CHM: variants seen among roughly 807,000 people sequenced by gnomAD.
The protein encoded by CHM is CHM Rab escort protein, also known as rab proteins geranylgeranyltransferase component A 1.
In CHM, 10 loss-of-function variants were observed where a neutral mutation model predicts 49.0. The ratio of observed to expected loss-of-function variants is 0.20; its 90% CI spans 0.13 to 0.35. CHM has a LOEUF of 0.35. Among genes scored for constraint, CHM ranks in the 10% least tolerant of loss-of-function variants. The pLI is 1.00. For synonymous variants in CHM, 184 were observed against 167.5 expected (o/e 1.10, Z -0.76); for missense variants, 455 against 478.4 (o/e 0.95, Z 0.46).
intron 9 of CHM, among the ~76,000 whole-genome samples, chrX:85,904,046 C>T (rs1015461077): frequency 9.0e-6 from 1 of 111,542 alleles, no homozygotes; most frequent in Non-Finnish European, 1.9e-5. Flanking sequence ...AATAAAAAAA[C>T]ATTGATTTTA....
At chrX:85,946,253 T>C (rs1929402485) in intron 8 of CHM, among the ~76,000 whole-genome samples, 1 of 112,549 alleles carries the variant, frequency 8.9e-6, no homozygotes, top group Non-Finnish European at 1.9e-5. Context: ...GCAACCTCTT[T>C]CTAGAGAAAT....
chrX:85,892,344 A>G (rs1014905754), intron 12 of CHM, among the ~76,000 whole-genome samples: 1 of 111,223 alleles, frequency 9.0e-6, no homozygotes, highest in Admixed American at 9.6e-5. Flanking sequence ...CTTGAATTGT[A>G]TCTCCCAGAA....
intron 1 of CHM, among the ~76,000 whole-genome samples, chrX:86,037,110 CTTTTTT>C (rs1048558599): frequency 1.4e-5 from 1 of 70,778 alleles, no homozygotes; most frequent in Admixed American, 1.8e-4. Context: ...CTAATTTTTC[CTTTTTT>C]TTTTTTTTTT....
At chrX:85,940,518 T>G (rs1006231187) in intron 8 of CHM, among the ~76,000 whole-genome samples, 1 of 110,922 alleles carries the variant, frequency 9.0e-6, no homozygotes, top group African/African-American at 3.3e-5. Context: ...CTGTCACAAG[T>G]GGGTTGGGTG....
chrX:85,976,875 A>ACACACACACACAC (rs371385149), intron 4 of CHM, among the ~76,000 whole-genome samples: 1 of 76,291 alleles, frequency 1.3e-5, no homozygotes, highest in Non-Finnish European at 2.9e-5. Context: ...AACACACACA[A>ACACACACACACAC]ACACACACAC....
intron 2 of CHM, among the ~76,000 whole-genome samples, chrX:86,022,814 A>C: frequency 9.0e-6 from 1 of 110,851 alleles, no homozygotes; most frequent in South Asian, 3.8e-4. Context: ...CAACATCTTC[A>C]ATTCTGAACA....
intron 13 of CHM, among the ~76,000 whole-genome samples, chrX:85,874,312 TAG>T (rs903166709): frequency 3.0e-4 from 34 of 111,880 alleles, no homozygotes; most frequent in East Asian, 1.4e-3. Context: ...ATTCATTGAC[TAG>T]AGAGTTTTCT....
chrX:86,013,713 A>G (rs753660111), intron 2 of CHM, among the ~76,000 whole-genome samples: 229 of 89,312 alleles, frequency 2.6e-3, no homozygotes, highest in African/African-American at 7.9e-3. Flanking sequence ...CCAGCCTGGC[A>G]ATGGAACAAG....
intron 11 of CHM, among the ~76,000 whole-genome samples, chrX:85,897,093 A>C (rs1223870280): frequency 2.4e-5 from 2 of 84,114 alleles, no homozygotes; most frequent in South Asian, 5.2e-4. Context: ...ATAATATATA[A>C]TATATATAAC....
intron 3 of CHM, among the ~76,000 whole-genome samples, chrX:85,979,590 A>G (rs1931483823): frequency 1.8e-5 from 2 of 111,868 alleles, no homozygotes; most frequent in South Asian, 3.7e-4. Context: ...GTATTTTTGA[A>G]GGTGTCAAGA....
chrX:85,942,172 G>A (rs1193161274), intron 8 of CHM, among the ~76,000 whole-genome samples: 1 of 109,648 alleles, frequency 9.1e-6, no homozygotes, highest in Non-Finnish European at 1.9e-5. Context: ...TATGACTAAG[G>A]CATAGATATC....
chrX:85,879,669 G>T (rs1401517147), intron 12 of CHM, among the ~76,000 whole-genome samples: 1 of 111,514 alleles, frequency 9.0e-6, no homozygotes, highest in East Asian at 2.8e-4. Flanking sequence ...CTTCATGGAA[G>T]TAAAATATTG....
chrX:85,890,732 G>C, intron 12 of CHM, among the ~76,000 whole-genome samples: 1 of 111,363 alleles, frequency 9.0e-6, no homozygotes, highest in Non-Finnish European at 1.9e-5. Context: ...GAAAACAGAC[G>C]AATACAGTAA....
chrX:85,886,050 AT>A (rs1925067933), intron 12 of CHM, among the ~76,000 whole-genome samples: 1 of 111,754 alleles, frequency 8.9e-6, no homozygotes, highest in Non-Finnish European at 1.9e-5. Flanking sequence ...CAACATCATA[AT>A]TACTACAAAT....
At chrX:85,983,705 T>C (rs1931752468) in intron 2 of CHM, among the ~76,000 whole-genome samples, 1 of 111,785 alleles carries the variant, frequency 8.9e-6, no homozygotes, top group Non-Finnish European at 1.9e-5. Flanking sequence ...TAAAATTTAT[T>C]TGAATGGATA....
At chrX:85,878,936 C>T (rs769615075) in intron 13 of CHM, 29 bp downstream of exon 13, 5 of 1,006,090 alleles carry the variant, frequency 5.0e-6, no homozygotes, top group African/African-American at 1.9e-5. Context: ...ATTACCTTTC[C>T]ATCATGAGTT....
Position 85,877,296 on chromosome X carries a change from G to A in CHM, c.1609+1669C>T, listed in dbSNP as rs755632241. Among the ~76,000 whole-genome samples the A allele has an allele frequency of 1.1e-4, 12 of 111,660 alleles. No individual in the cohort carries two copies. In the East Asian group the frequency reaches 3.4e-3, roughly 31 times the overall value. ...AAAAACATAATTGATATTAGCCTCT[G>A]AGAACATAACAGGTTCATTATGTTA... On this transcript the variant is annotated intron_variant, in intron 13 of 14. Coordinates refer to ENST00000357749, the MANE Select transcript of CHM (RefSeq NM_000390.4).
chrX:85,923,147 C>T (rs1296964481), intron 8 of CHM, among the ~76,000 whole-genome samples: 1 of 112,075 alleles, frequency 8.9e-6, no homozygotes, highest in Non-Finnish European at 1.9e-5. Flanking sequence ...GTTCCTTTCC[C>T]GATTCCTCCC....
intron 12 of CHM, among the ~76,000 whole-genome samples, chrX:85,893,111 G>A (rs1300262189): frequency 9.0e-6 from 1 of 111,339 alleles, no homozygotes; most frequent in Non-Finnish European, 1.9e-5. Flanking sequence ...GAAATGCCTA[G>A]CACAATATGT....
Sources: gnomAD v4.1 joint callset for allele counts (sites outside exome capture counted in the v4.1 genomes callset) on GRCh38, gnomAD v4.1.1 for gene constraint, MANE v1.5 for transcripts, NCBI Gene and HGNC (gene_info 2026-07-23, HGNC 2026-07-21) for gene names.